Variants in MPDZ observed in about 807,000 individuals in gnomAD.
MPDZ encodes the protein multiple PDZ domain crumbs cell polarity complex component, also known as multiple PDZ domain protein.
MPDZ carries 234 observed loss-of-function variants against 239.1 expected under a neutral mutation model. The ratio of observed to expected loss-of-function variants is 0.98; its 90% CI spans 0.88 to 1.09. The LOEUF (loss-of-function observed/expected upper bound fraction) is 1.09. Ranked by LOEUF, MPDZ falls within the 50% of genes least tolerant of loss-of-function variation. The pLI is 0.00. For synonymous variants in MPDZ, 1,048 were observed against 881.3 expected (o/e 1.19, Z -3.35); for missense variants, 3,175 against 2,510.0 (o/e 1.26, Z -5.66).
At chr9:13,261,254 C>A (rs1471410535) in intron 1 of MPDZ, among the ~76,000 whole-genome samples, 4 of 152,134 alleles carry the variant, frequency 2.6e-5, no homozygotes, top group Non-Finnish European at 5.9e-5. Context: ...GAGAGGCAGG[C>A]ATTCCTTGGG....
Position 13,110,078 on chromosome 9 carries a change from G to A in MPDZ, c.5830-14C>T. The A allele has an allele frequency of 1.3e-6, 2 of 1,594,938 alleles. No homozygotes were observed. Among genetic ancestry groups the A allele is most frequent in the Non-Finnish European group, 1.7e-6 (2 of 1,169,344 alleles). On this transcript the variant is annotated splice_polypyrimidine_tract_variant and intron_variant, in intron 44 of 46. Transcript: ENST00000319217. ...TCCAGCAACCACCTGCGCACAGGAGGAGGATAAACAGAAAAAACACATGTT... is the reference window on the plus strand; with the variant it reads ...TCCAGCAACCACCTGCGCACAGGAGAAGGATAAACAGAAAAAACACATGTT...
chr9:13,198,727 ATCTCTC>A (rs138547279), intron 12 of MPDZ, among the ~76,000 whole-genome samples: 11 of 81,252 alleles, frequency 1.4e-4, no homozygotes, highest in East Asian at 1.1e-3. Flanking sequence ...TAGGTCTTTA[ATCTCTC>A]TCTCTGTGTG....
chr9:13,175,271 A>C (rs1341213660), intron 21 of MPDZ, among the ~76,000 whole-genome samples: 1 of 152,202 alleles, frequency 6.6e-6, no homozygotes, highest in Non-Finnish European at 1.5e-5. Context: ...GGGAAGTCCT[A>C]CTGAATAACT....
At chr9:13,255,083 AC>A (rs1276689556) in intron 1 of MPDZ, among the ~76,000 whole-genome samples, 2 of 152,138 alleles carry the variant, frequency 1.3e-5, no homozygotes, top group African/African-American at 4.8e-5. Flanking sequence ...AATAGCCTCA[AC>A]CCTTTGTTTT....
intron 30 of MPDZ, 36 bp downstream of exon 30, chr9:13,136,676 A>C: frequency 7.6e-7 from 1 of 1,314,380 alleles, no homozygotes; most frequent in Non-Finnish European, 1.1e-6. Flanking sequence ...ATGCTAACAA[A>C]AAGTATTTGG....
chr9:13,222,213 T>C lies in MPDZ; in HGVS notation c.747+20A>G, dbSNP rs1331870176. The C allele has an allele frequency of 5.6e-6, 9 of 1,593,410 alleles. No homozygotes were observed. The highest frequency in any genetic ancestry group is 6.8e-6 in the Non-Finnish European group (8 of 1,169,138). On this transcript the variant is annotated intron_variant, in intron 6 of 46. Transcript: ENST00000319217. The stretch of plus-strand genomic sequence containing the variant: ...CTTGAAAAATACGTTCTGTTCCTTT[T>C]GAAAATTTTAGGTACTCACCGGATT...
intron 10 of MPDZ, among the ~76,000 whole-genome samples, chr9:13,210,272 C>A (rs946582403): frequency 2.0e-5 from 3 of 152,014 alleles, no homozygotes; most frequent in Admixed American, 2.0e-4. Context: ...GCTTGAGATG[C>A]TATGATTATT....
chr9:13,147,980 G>C (rs1349748169), intron 25 of MPDZ, among the ~76,000 whole-genome samples: 1 of 151,980 alleles, frequency 6.6e-6, no homozygotes, highest in Admixed American at 6.6e-5. Flanking sequence ...AAAATTATAT[G>C]AGGGAACTAT....
In MPDZ at chr9:13,136,126, A is replaced by C; in HGVS notation, c.4349T>G (p.Leu1450Trp). The C allele has an allele frequency of 6.2e-7, 1 of 1,612,960 alleles. No homozygotes were observed. Among genetic ancestry groups the C allele is most frequent in the Non-Finnish European group, 8.5e-7 (1 of 1,179,416 alleles). Residue 1450 changes from leucine (L) to tryptophan (W), a missense_variant, in exon 31 of 47, where the codon TTG becomes TGG. Physicochemically the swap from Leu to Trp is moderately conservative, Grantham distance 61 (BLOSUM62 -2). Transcript: ENST00000319217. Reference sequence around the variant, plus strand: ...TTGAAGATTTTCTGAGTTAGAAGGCAAAGGTTCTACTGCATTTCCAGGACA... The same window carrying C: ...TTGAAGATTTTCTGAGTTAGAAGGCCAAGGTTCTACTGCATTTCCAGGACA... ...AVCPGNAVEP[L>W]PSNSENLQNK...
chr9:13,219,791 A>C, intron 7 of MPDZ, 23 bp from the exon 8 acceptor site: 4 of 1,602,682 alleles, frequency 2.5e-6, no homozygotes, highest in Non-Finnish European at 3.4e-6. Context: ...ATATTGAATA[A>C]TTAGACTATT....
intron 1 of MPDZ, among the ~76,000 whole-genome samples, chr9:13,261,623 G>A (rs999026226): frequency 7.2e-5 from 11 of 151,946 alleles, no homozygotes; most frequent in African/African-American, 2.7e-4. Context: ...AAAAACAAAG[G>A]GCAGGGAAGC....
At chr9:13,214,808 G>A (rs1053247566) in intron 10 of MPDZ, among the ~76,000 whole-genome samples, 7 of 151,898 alleles carry the variant, frequency 4.6e-5, no homozygotes, top group African/African-American at 1.2e-4. Context: ...AGCTCACTTC[G>A]GGCATATAGC....
chr9:13,238,861 T>C (rs944215173), intron 3 of MPDZ, among the ~76,000 whole-genome samples: 1 of 152,136 alleles, frequency 6.6e-6, no homozygotes, highest in Non-Finnish European at 1.5e-5. Context: ...ATTAAATATA[T>C]GTGCAAAAAT....
intron 27 of MPDZ, among the ~76,000 whole-genome samples, chr9:13,141,240 T>C (rs1368626872): frequency 1.3e-5 from 2 of 152,214 alleles, no homozygotes; most frequent in Non-Finnish European, 2.9e-5. Context: ...GAAAGGTCTT[T>C]AAGTTGCTGA....
chr9:13,254,066 C>G (rs1450936390), intron 1 of MPDZ, among the ~76,000 whole-genome samples: 2 of 152,150 alleles, frequency 1.3e-5, no homozygotes, highest in African/African-American at 4.8e-5. Flanking sequence ...CTCTAGAAAG[C>G]AAGATTTAAC....
chr9:13,150,456 A>T, intron 25 of MPDZ, 55 bp downstream of exon 25: 2 of 1,332,732 alleles, frequency 1.5e-6, no homozygotes, highest in East Asian at 2.7e-5. Context: ...ATTAAAAAAT[A>T]AATAAATAAA....
chr9:13,213,131 A>G (rs940986932), intron 10 of MPDZ, among the ~76,000 whole-genome samples: 2 of 152,116 alleles, frequency 1.3e-5, no homozygotes, highest in Admixed American at 1.3e-4. Context: ...GAGTGTTTTT[A>G]TCTAATGACA....
intron 1 of MPDZ, among the ~76,000 whole-genome samples, chr9:13,270,521 G>T (rs1377236106): frequency 6.7e-6 from 1 of 150,290 alleles, no homozygotes; most frequent in South Asian, 2.1e-4. Context: ...TATGATAAAA[G>T]ACATGGGTAA....
intron 3 of MPDZ, among the ~76,000 whole-genome samples, chr9:13,224,841 C>T (rs1439631111): frequency 6.6e-6 from 1 of 152,076 alleles, no homozygotes; most frequent in Admixed American, 6.6e-5. Context: ...GGTTCAACTT[C>T]AGGGTACTCA....
Sources: allele counts gnomAD v4.1 joint callset (sites outside exome capture counted in the v4.1 genomes callset), GRCh38; gene constraint gnomAD v4.1.1; transcripts MANE v1.5; gene names NCBI Gene and HGNC (gene_info 2026-07-23, HGNC 2026-07-21).